Variants in GRID1 observed in about 807,000 individuals in gnomAD.
GRID1 encodes glutamate ionotropic receptor delta type subunit 1, also known as glutamate receptor ionotropic, delta-1.
In GRID1, 28 loss-of-function variants were observed where a neutral mutation model predicts 98.0. That is an observed-to-expected ratio of 0.29 (90% CI 0.21 to 0.39). The LOEUF is 0.39. GRID1 is among the 10% of genes least tolerant of loss of function. The probability of loss-of-function intolerance (pLI) is 1.00; values close to 1 mark genes in which losing one functional copy is unlikely to be tolerated. For missense variants in GRID1, 1,111 were observed against 1,340.5 expected (o/e 0.83, Z 2.67); for synonymous variants, 553 against 538.5 (o/e 1.03, Z -0.37).
intron 8 of GRID1, among the ~76,000 whole-genome samples, chr10:85,822,899 G>A (rs890481711): frequency 1.1e-4 from 17 of 152,198 alleles, no homozygotes; most frequent in Admixed American, 1.1e-3. Flanking sequence ...GGACATGGAT[G>A]AAGCTAGAAA....
At chr10:85,783,647 G>A (rs1002819193) in intron 8 of GRID1, among the ~76,000 whole-genome samples, 2 of 152,160 alleles carry the variant, frequency 1.3e-5, no homozygotes, top group Non-Finnish European at 2.9e-5. Context: ...TCGTCCTTGT[G>A]TCATGAGGTG....
chr10:86,040,177 C>A (rs188030700), intron 4 of GRID1, among the ~76,000 whole-genome samples: 1 of 151,890 alleles, frequency 6.6e-6, no homozygotes, highest in East Asian at 1.9e-4. Context: ...TCATGAAAAA[C>A]AGTATGCAGT....
chr10:86,347,380 C>T (rs1416146803), intron 2 of GRID1, among the ~76,000 whole-genome samples: 1 of 152,228 alleles, frequency 6.6e-6, no homozygotes, highest in Non-Finnish European at 1.5e-5. Flanking sequence ...CACTCTCAGT[C>T]CAGGGACTGG....
chr10:86,001,586 G>A (rs1037055209), intron 4 of GRID1, among the ~76,000 whole-genome samples: 2 of 152,146 alleles, frequency 1.3e-5, no homozygotes, highest in Non-Finnish European at 2.9e-5. Context: ...TTTCCTGAAG[G>A]AATTTGGCCT....
chr10:86,315,530 T>C (rs1459419913), intron 2 of GRID1, among the ~76,000 whole-genome samples: 1 of 152,190 alleles, frequency 6.6e-6, no homozygotes, highest in East Asian at 1.9e-4. Flanking sequence ...GATTTTGGCA[T>C]ATCTGGCCAC....
At chr10:85,797,558 C>A (rs1018290024) in intron 8 of GRID1, among the ~76,000 whole-genome samples, 4 of 151,804 alleles carry the variant, frequency 2.6e-5, no homozygotes, top group African/African-American at 9.7e-5. Flanking sequence ...GCCTCCTGAG[C>A]AGCTGGGATT....
intron 2 of GRID1, among the ~76,000 whole-genome samples, chr10:86,279,636 G>A (rs1013100725): frequency 2.0e-5 from 3 of 152,112 alleles, no homozygotes; most frequent in Non-Finnish European, 4.4e-5. Flanking sequence ...AAAACCTACA[G>A]CTAACATCAT....
At chr10:86,220,912 G>T (rs1303386502) in intron 2 of GRID1, among the ~76,000 whole-genome samples, 1 of 152,178 alleles carries the variant, frequency 6.6e-6, no homozygotes, top group Non-Finnish European at 1.5e-5. Context: ...TGGGGGCAAG[G>T]GTCTCTCAAG....
At chr10:85,770,816 G>T (rs60953999) in intron 8 of GRID1, among the ~76,000 whole-genome samples, 6,215 of 152,246 alleles carry the variant, frequency 0.041, 187 homozygotes, top group African/African-American at 0.081. Context: ...CAAGAAATAT[G>T]GGACTATGTG....
intron 4 of GRID1, among the ~76,000 whole-genome samples, chr10:85,963,554 T>C (rs1318885193): frequency 6.6e-6 from 1 of 152,208 alleles, no homozygotes; most frequent in Non-Finnish European, 1.5e-5. Flanking sequence ...AGGCCCCTGA[T>C]GATCTCCCCA....
At chr10:86,302,183 C>T (rs1281780499) in intron 2 of GRID1, among the ~76,000 whole-genome samples, 2 of 152,232 alleles carry the variant, frequency 1.3e-5, no homozygotes, top group African/African-American at 2.4e-5. Flanking sequence ...GTGGCCCAGC[C>T]TGGCAGGCAG....
intron 8 of GRID1, among the ~76,000 whole-genome samples, chr10:85,767,021 T>A (rs566570643): frequency 1.3e-5 from 2 of 152,268 alleles, no homozygotes; most frequent in South Asian, 4.2e-4. Flanking sequence ...CCCTCTTGTT[T>A]CCTGTAGTCA....
intron 2 of GRID1, among the ~76,000 whole-genome samples, chr10:86,227,587 C>T (rs1270488548): frequency 6.6e-6 from 1 of 152,188 alleles, no homozygotes; most frequent in African/African-American, 2.4e-5. Context: ...CCCAGTTCCC[C>T]AGTCCCTTCC....
chr10:85,772,951 G>A lies in GRID1; in HGVS notation c.1234-43337C>T, dbSNP rs1026228401. Among the ~76,000 whole-genome samples the A allele has an allele frequency of 2.3e-3, 348 of 152,212 alleles. 1 individual carries two copies. The highest frequency in any genetic ancestry group is 4.1e-3 in the Non-Finnish European group (280 of 68,012). On this transcript the variant is annotated intron_variant, in intron 8 of 15. Transcript: ENST00000327946. ...CTATTCCAATCAATAGAAAAAGAGG[G>A]AATCCTCCCTAACTCATTTTATGAG...
At chr10:85,906,100 G>A (rs1350335172) in intron 5 of GRID1, among the ~76,000 whole-genome samples, 1 of 151,988 alleles carries the variant, frequency 6.6e-6, no homozygotes, top group South Asian at 2.1e-4. Context: ...ATATAGAATG[G>A]CTGCAGTAAT....
At chr10:85,884,354 T>G (rs1589287247) in intron 5 of GRID1, among the ~76,000 whole-genome samples, 1 of 152,266 alleles carries the variant, frequency 6.6e-6, no homozygotes, top group South Asian at 2.1e-4. Context: ...TCCCTATATG[T>G]TTTGACTTTG....
chr10:85,996,526 T>A (rs1418795996), intron 4 of GRID1, among the ~76,000 whole-genome samples: 1 of 152,164 alleles, frequency 6.6e-6, no homozygotes, highest in Non-Finnish European at 1.5e-5. Context: ...ACATCAATAG[T>A]AATGATTCAG....
chr10:86,145,308 C>T (rs1173493880), intron 3 of GRID1, among the ~76,000 whole-genome samples: 2 of 152,168 alleles, frequency 1.3e-5, no homozygotes, highest in African/African-American at 4.8e-5. Context: ...CTGAAACCTC[C>T]ACCTCCCAGG....
chr10:86,080,047 G>GT (rs1207520458), intron 4 of GRID1, among the ~76,000 whole-genome samples: 3 of 152,080 alleles, frequency 2.0e-5, no homozygotes, highest in Middle Eastern at 3.2e-3. Flanking sequence ...AAGAAACGGA[G>GT]TAAGGGCCTG....
Sources: gnomAD v4.1 joint callset for allele counts (sites outside exome capture counted in the v4.1 genomes callset) on GRCh38, gnomAD v4.1.1 for gene constraint, MANE v1.5 for transcripts, NCBI Gene and HGNC (gene_info 2026-07-23, HGNC 2026-07-21) for gene names.